Variants in SEMA6D observed in about 807,000 individuals in gnomAD.
SEMA6D encodes the protein semaphorin-6D.
SEMA6D carries 35 observed loss-of-function variants against 106.6 expected under a neutral mutation model. That is an observed-to-expected ratio of 0.33 (90% CI 0.25 to 0.44). SEMA6D has a LOEUF of 0.44. Ranked by LOEUF, SEMA6D falls within the 20% of genes least tolerant of loss-of-function variation. SEMA6D has a pLI of 1.00. For synonymous variants in SEMA6D, 499 were observed against 487.7 expected (o/e 1.02, Z -0.31); for missense variants, 1,185 against 1,345.9 (o/e 0.88, Z 1.87).
chr15:47,549,687 G>A (rs1282198758), intron 3 of SEMA6D, among the ~76,000 whole-genome samples: 1 of 151,952 alleles, frequency 6.6e-6, no homozygotes, highest in Non-Finnish European at 1.5e-5. Context: ...AAACATCTAG[G>A]TCTACTAACC....
intron 3 of SEMA6D, among the ~76,000 whole-genome samples, chr15:47,552,905 T>TATATATATATATATATATAA (rs1483274186): frequency 1.1e-5 from 1 of 94,838 alleles, no homozygotes; most frequent in Non-Finnish European, 2.0e-5. Flanking sequence ...TATATATATA[T>TATATATATATATATATATAA]AAATATATAT....
chr15:47,346,732 G>T (rs546870176), intron 1 of SEMA6D, among the ~76,000 whole-genome samples: 1 of 151,720 alleles, frequency 6.6e-6, no homozygotes, highest in South Asian at 2.1e-4. Flanking sequence ...ATGGTCCCAG[G>T]TTTCTATCTT....
intron 1 of SEMA6D, among the ~76,000 whole-genome samples, chr15:47,266,417 C>A (rs892534407): frequency 1.6e-4 from 24 of 152,016 alleles, no homozygotes; most frequent in Non-Finnish European, 2.9e-4. Context: ...TCCTGAAGTT[C>A]TTTTCTCTAA....
At chr15:47,686,542 A>C (rs1452285903) in intron 4 of SEMA6D, among the ~76,000 whole-genome samples, 1 of 152,234 alleles carries the variant, frequency 6.6e-6, no homozygotes, top group Non-Finnish European at 1.5e-5. Flanking sequence ...CATTATGGAT[A>C]AACAAAAGAT....
At chr15:47,277,617 TTA>T (rs1279958179) in intron 1 of SEMA6D, among the ~76,000 whole-genome samples, 1 of 62,998 alleles carries the variant, frequency 1.6e-5, no homozygotes, top group Non-Finnish European at 3.8e-5. Flanking sequence ...TTATTATTTA[TTA>T]TTATTATTAT....
chr15:47,768,394 A>G (rs532611897), intron 17 of SEMA6D, among the ~76,000 whole-genome samples, 187 bp from the exon 18 acceptor site: 1 of 152,144 alleles, frequency 6.6e-6, no homozygotes, highest in Admixed American at 6.5e-5. Context: ...CTTTACTGTT[A>G]ATTTTTAGTT....
chr15:47,719,759 T>A (rs1844811591), intron 1 of SEMA6D, among the ~76,000 whole-genome samples: 1 of 152,202 alleles, frequency 6.6e-6, no homozygotes, highest in African/African-American at 2.4e-5. Context: ...TTAAAAACAG[T>A]AGCTTTTGAT....
intron 1 of SEMA6D, among the ~76,000 whole-genome samples, chr15:47,755,539 T>C (rs929004052): frequency 6.6e-6 from 1 of 152,190 alleles, no homozygotes; most frequent in African/African-American, 2.4e-5. Context: ...TAATCTTATC[T>C]TTTCTGGCAA....
Position 47,355,016 on chromosome 15 carries a change from C to T in SEMA6D, c.-238-57377C>T, listed in dbSNP as rs140202414. On this transcript the variant is annotated intron_variant, in intron 1 of 19. Transcript: ENST00000558014. Reference sequence around the variant, plus strand: ...GAGGCCAGAAAGGAGTACTTAAACACGGAATTAAAGATGGCAGTGCTTTAG... The same window carrying T: ...GAGGCCAGAAAGGAGTACTTAAACATGGAATTAAAGATGGCAGTGCTTTAG... Among the ~76,000 whole-genome samples, 255 of 152,232 alleles carry T rather than the reference C, an allele frequency of 1.7e-3. 1 individual carries two copies. The highest frequency in any genetic ancestry group is 6.0e-3 in the African/African-American group (248 of 41,552).
intron 3 of SEMA6D, among the ~76,000 whole-genome samples, chr15:47,564,633 C>T (rs1462450286): frequency 3.9e-5 from 6 of 152,114 alleles, no homozygotes; most frequent in Non-Finnish European, 7.3e-5. Flanking sequence ...AGCCTAGATA[C>T]TGATAGGGAC....
At chr15:47,285,837 A>T (rs2035336585) in intron 1 of SEMA6D, among the ~76,000 whole-genome samples, 1 of 152,228 alleles carries the variant, frequency 6.6e-6, no homozygotes, top group Non-Finnish European at 1.5e-5. Context: ...TCCTAACTTC[A>T]TACTTCAGGT....
chr15:47,709,123 G>A (rs1045846254), intron 4 of SEMA6D, among the ~76,000 whole-genome samples: 7 of 152,126 alleles, frequency 4.6e-5, no homozygotes, highest in African/African-American at 1.7e-4. Context: ...AGGGAAGAGA[G>A]TGGGTGGTGA....
chr15:47,310,825 T>G (rs375522025), intron 1 of SEMA6D, among the ~76,000 whole-genome samples: 49 of 152,340 alleles, frequency 3.2e-4, no homozygotes, highest in African/African-American at 1.0e-3. Flanking sequence ...CTGAGTATTA[T>G]CTGCAAAAAG....
intron 3 of SEMA6D, among the ~76,000 whole-genome samples, chr15:47,485,034 T>TA (rs1468417719): frequency 6.6e-6 from 1 of 152,198 alleles, no homozygotes; most frequent in Non-Finnish European, 1.5e-5. Context: ...CATCTTAAAA[T>TA]AATGTAATGA....
At chr15:47,694,350 T>C (rs2078655484) in intron 4 of SEMA6D, among the ~76,000 whole-genome samples, 1 of 152,146 alleles carries the variant, frequency 6.6e-6, no homozygotes, top group South Asian at 2.1e-4. Context: ...CTATATTTAA[T>C]ATAGAAATTC....
Position 47,705,926 on chromosome 15 carries a change from A to T in SEMA6D, c.-54-53819A>T, listed in dbSNP as rs142426802. On this transcript the variant is annotated intron_variant, in intron 4 of 19. Coordinates refer to the SEMA6D transcript ENST00000558014. ...CAAGGGCAGCCTGCTTCTTCTCCAGAATGAAGACTGCTTCAGTCCCAGAGC... is the reference window on the plus strand; with the variant it reads ...CAAGGGCAGCCTGCTTCTTCTCCAGTATGAAGACTGCTTCAGTCCCAGAGC... Among the ~76,000 whole-genome samples, 12 of 152,326 alleles carry T rather than the reference A, an allele frequency of 7.9e-5. No individual in the cohort carries two copies. The East Asian group carries it at 2.3e-3, about 29-fold the overall frequency.
chr15:47,239,188 T>C (rs909118248), intron 1 of SEMA6D, among the ~76,000 whole-genome samples: 55 of 152,182 alleles, frequency 3.6e-4, no homozygotes, highest in Admixed American at 3.6e-3. Context: ...GAATCAAGGT[T>C]CTGGGCTCCT....
At chr15:47,705,804 C>T (rs189869066) in intron 4 of SEMA6D, among the ~76,000 whole-genome samples, 93 of 152,284 alleles carry the variant, frequency 6.1e-4, no homozygotes, top group Admixed American at 3.3e-3. Flanking sequence ...TGCTGCACTA[C>T]GAAGCATTTT....
chr15:47,659,802 A>G (rs2077880367), intron 4 of SEMA6D, among the ~76,000 whole-genome samples: 1 of 152,160 alleles, frequency 6.6e-6, no homozygotes, highest in Non-Finnish European at 1.5e-5. Flanking sequence ...AAAGATGTTT[A>G]ACCTCACAAT....
Sources: allele counts gnomAD v4.1 joint callset (sites outside exome capture counted in the v4.1 genomes callset), GRCh38; gene constraint gnomAD v4.1.1; transcripts MANE v1.5; gene names NCBI Gene and HGNC (gene_info 2026-07-23, HGNC 2026-07-21).